The following SNX10 variants were observed in gnomAD, a reference collection of about 807,000 sequenced individuals.
The protein encoded by SNX10 is sorting nexin 10.
SNX10 carries 25 observed loss-of-function variants against 28.5 expected under a neutral mutation model. The observed-to-expected ratio is 0.88, with a 90% CI of 0.64 to 1.22. The LOEUF (loss-of-function observed/expected upper bound fraction) is 1.22, where lower values mean the gene tolerates loss of function less well. SNX10 is among the 50% of genes most tolerant of loss of function. SNX10 has a pLI of 0.00. For synonymous variants in SNX10, 62 were observed against 81.4 expected, an observed-to-expected ratio of 0.76 and a Z score of 1.28; for missense variants, 223 against 242.6, an observed-to-expected ratio of 0.92 and a Z score of 0.54.
intron 6 of SNX10, 88 bp downstream of exon 6, chr7:26,372,121 TTCAC>T: frequency 1.2e-6 from 1 of 848,524 alleles, no homozygotes; most frequent in Non-Finnish European, 1.8e-6. Context: ...ATATACACAC[TTCAC>T]TTTTTTGTTG....
At position 26,373,755 on chromosome 7, in the gene SNX10, C is replaced by T. The variant is rs1789666819; in HGVS notation, c.*1183C>T. ...AGATATTTTCAGATAACTAGGATAA[C>T]TTGTTGCTTTGTTACCCAGCCTAAT... is the stretch of plus-strand genomic sequence containing the variant. On this transcript the variant is annotated 3_prime_UTR_variant, in exon 7 of 7. Transcript: ENST00000338523. The surrounding 1 kb of genome is among the most constrained non-coding windows in gnomAD (Gnocchi z 4.2). 6.6e-6 allele frequency: 1 copy of T among 151,970 alleles called. No individual in the cohort carries two copies. Among genetic ancestry groups the T allele is most frequent in the Admixed American group, 6.5e-5 (1 of 15,270 alleles). The allele number at this position is 151,970 out of a possible 1,614,324, so 9.4% of individuals were successfully genotyped here.
intron 1 of SNX10, among the ~76,000 whole-genome samples, chr7:26,309,761 G>A (rs1021115450): frequency 2.0e-5 from 3 of 152,090 alleles, no homozygotes; most frequent in Admixed American, 2.0e-4. Flanking sequence ...TGGATGTAGG[G>A]GTACCTTGTG....
At position 26,346,317 on chromosome 7, in the gene SNX10, C is replaced by CG. The variant is rs913334284; in HGVS notation, c.-23-95dup. ...GGCTCACATGTCAGGGACTGTGGGG[C>CG]GGGGGGGGCTCTGTCAGGGGATTTG... On this transcript the variant is annotated intron_variant, in intron 1 of 6. Transcript: ENST00000338523. 7.7e-4 allele frequency: 555 copies of CG among 724,740 alleles called. 1 individual carries two copies. Among genetic ancestry groups the CG allele is most frequent in the African/African-American group, 1.9e-3 (102 of 55,042 alleles). The allele number at this position is 724,740 out of a possible 1,614,324, so 44.9% of individuals were successfully genotyped here. A position where few individuals can be genotyped will look rare whatever the true frequency, so the allele number is the denominator to read the frequency against.
At chr7:26,365,791 T>G (rs1340449235) in intron 5 of SNX10, among the ~76,000 whole-genome samples, 1 of 152,136 alleles carries the variant, frequency 6.6e-6, no homozygotes, top group Non-Finnish European at 1.5e-5. Flanking sequence ...AGCACGCTGA[T>G]TTACACCTAG....
chr7:26,295,351 T>G (rs1374646975), intron 1 of SNX10, among the ~76,000 whole-genome samples: 1 of 152,168 alleles, frequency 6.6e-6, no homozygotes, highest in East Asian at 1.9e-4. Context: ...TGTGAGCTAC[T>G]GTGGCCAGCC....
intron 6 of SNX10, 173 bp from the exon 7 acceptor site, chr7:26,372,318 A>T: frequency 1.6e-6 from 1 of 623,938 alleles, no homozygotes; most frequent in Non-Finnish European, 2.9e-6. Context: ...CGTTTAAATT[A>T]TCTAGCTAAA....
rs1481287759 is a variant in SNX10, at chr7:26,342,001, TTTCTTTCC to T, written c.-23-4408_-23-4401del. Among the ~76,000 whole-genome samples the T allele has an allele frequency of 7.5e-5, 11 of 146,158 alleles. No individual in the cohort carries two copies. In the South Asian group the frequency reaches 2.1e-3, roughly 28 times the overall value. On this transcript the variant is annotated intron_variant, in intron 1 of 6. Transcript: ENST00000338523. ...TTCTTTCTCTCTCTCTCTCTCTTTC[TTTCTTTCC>T]TTCTTTCCTTTCTTCTTTCTTTTTT...
chr7:26,294,126 T>G (rs1314339207), intron 1 of SNX10, among the ~76,000 whole-genome samples: 1 of 152,258 alleles, frequency 6.6e-6, no homozygotes, highest in Non-Finnish European at 1.5e-5. Context: ...TTTCCTAGCA[T>G]GGCGGAGAAG....
intron 1 of SNX10, among the ~76,000 whole-genome samples, chr7:26,322,609 A>G (rs981749700): frequency 3.3e-5 from 5 of 152,254 alleles, no homozygotes; most frequent in African/African-American, 1.2e-4. Context: ...AATTCCTTGA[A>G]TCCAGGTGAT....
At chr7:26,305,301 G>C (rs1479752022) in intron 1 of SNX10, among the ~76,000 whole-genome samples, 1 of 152,168 alleles carries the variant, frequency 6.6e-6, no homozygotes, top group Non-Finnish European at 1.5e-5. Context: ...CCAAGTCAAA[G>C]TACAGGGCAG....
At chr7:26,341,695 G>A (rs1788182915) in intron 1 of SNX10, among the ~76,000 whole-genome samples, 1 of 152,086 alleles carries the variant, frequency 6.6e-6, no homozygotes, top group African/African-American at 2.4e-5. Context: ...ATATTGGTCA[G>A]GCTGGTCTTG....
At chr7:26,333,418 G>A (rs754048115) in intron 1 of SNX10, among the ~76,000 whole-genome samples, 38 of 144,766 alleles carry the variant, frequency 2.6e-4, no homozygotes, top group Non-Finnish European at 3.6e-4. Flanking sequence ...TCCACCTCCC[G>A]GGTTCACACC....
At chr7:26,320,198 T>C (rs1173928083) in intron 1 of SNX10, among the ~76,000 whole-genome samples, 1 of 151,846 alleles carries the variant, frequency 6.6e-6, no homozygotes, top group African/African-American at 2.4e-5. Context: ...GCCAGGCTGG[T>C]CCCCAACTCT....
At chr7:26,313,265 C>T in intron 1 of SNX10, among the ~76,000 whole-genome samples, 1 of 152,228 alleles carries the variant, frequency 6.6e-6, no homozygotes, top group South Asian at 2.1e-4. Context: ...GACCTACCCT[C>T]TTAACAAACT....
intron 1 of SNX10, among the ~76,000 whole-genome samples, chr7:26,309,253 A>T (rs890248201): frequency 6.6e-6 from 1 of 152,026 alleles, no homozygotes; most frequent in Non-Finnish European, 1.5e-5. Flanking sequence ...TAGCCCTGCT[A>T]TCAGTGCAGT....
rs188003052 is a variant in SNX10 at position 26,313,509 on chromosome 7, T to C, written c.-24+21423T>C. ...GGAGGACCTACTATATCTGGGACTCTATGCAAAGAATATTCAGAGGAATGA... is the reference window on the plus strand; with the variant it reads ...GGAGGACCTACTATATCTGGGACTCCATGCAAAGAATATTCAGAGGAATGA... On this transcript the variant is annotated intron_variant, in intron 1 of 6. Transcript: ENST00000338523. Among the ~76,000 whole-genome samples the C allele has an allele frequency of 2.9e-3, 448 of 152,338 alleles. 1 individual carries two copies. The highest frequency in any genetic ancestry group is 4.7e-3 in the Non-Finnish European group (317 of 68,026).
intron 6 of SNX10, 83 bp downstream of exon 6, chr7:26,372,116 C>T (rs1299570021): frequency 6.8e-6 from 6 of 879,970 alleles, no homozygotes; most frequent in South Asian, 6.8e-5. Flanking sequence ...GATATATATA[C>T]ACACTTCACT....
intron 1 of SNX10, among the ~76,000 whole-genome samples, chr7:26,297,285 AG>A (rs1304626623): frequency 6.6e-6 from 1 of 152,160 alleles, no homozygotes; most frequent in Non-Finnish European, 1.5e-5. Flanking sequence ...TAGTAGAGAC[AG>A]GGTTTCACCG....
intron 1 of SNX10, among the ~76,000 whole-genome samples, chr7:26,340,616 C>A (rs73068436): frequency 6.6e-6 from 1 of 152,140 alleles, no homozygotes; most frequent in Admixed American, 6.5e-5. Context: ...AAGAGATACA[C>A]GAGTCTCTCA....
Sources: allele counts gnomAD v4.1 joint callset (sites outside exome capture counted in the v4.1 genomes callset), GRCh38; gene constraint gnomAD v4.1.1; non-coding constraint Gnocchi (gnomAD v3.1); transcripts MANE v1.5; gene names NCBI Gene and HGNC (gene_info 2026-07-23, HGNC 2026-07-21).